Variants in DSC1 observed in about 807,000 individuals in gnomAD.
The protein encoded by DSC1 is desmocollin-1.
In DSC1, 79 loss-of-function variants were observed where a neutral mutation model predicts 98.8. That is an observed-to-expected ratio of 0.80 (90% CI 0.67 to 0.96). DSC1 has a LOEUF of 0.96. Ranked by LOEUF, DSC1 falls within the 50% of genes least tolerant of loss-of-function variation. DSC1 has a pLI of 0.00. For synonymous variants in DSC1, 405 were observed against 372.1 expected (o/e 1.09, Z -1.02); for missense variants, 1,115 against 1,075.9 (o/e 1.04, Z -0.51).
At chr18:31,150,303 T>C (rs368620597) in intron 5 of DSC1, among the ~76,000 whole-genome samples, 1,886 of 41,200 alleles carry the variant, frequency 0.046, 176 homozygotes, top group East Asian at 0.28. Flanking sequence ...ACTACCATCA[T>C]CACCACCACT....
At position 31,140,074 on chromosome 18, in the gene DSC1, C is replaced by G. The variant is rs751343789; in HGVS notation, c.1488G>C (p.Leu496=). 3 of 1,613,864 alleles carry G rather than the reference C, an allele frequency of 1.9e-6. No homozygotes were observed. In the Admixed American group the frequency reaches 5.0e-5, roughly 27 times the overall value. Residue 496 remains leucine, a synonymous_variant, in exon 10 of 16, where the codon CTG becomes CTC. Coordinates refer to ENST00000257198, the MANE Select transcript of DSC1 (RefSeq NM_024421.2). ...AGQELLGYKA[L]DPEISSGEGL... ...CTTCACCACTGGATATTTCCGGGTC[C>G]AGTGCTTTGTATCCAAGGAGTTCTT...
Position 31,156,093 on chromosome 18 carries a change from C to T in DSC1, c.421G>A (p.Ala141Thr), listed in dbSNP as rs1989091640. The T allele has an allele frequency of 1.2e-6, 2 of 1,614,122 alleles. No homozygotes were observed. Among genetic ancestry groups the T allele is most frequent in the African/African-American group, 1.3e-5 (1 of 75,034 alleles). Reference protein sequence around the residue: ...RSKRRWAPIPASLMENSLGPF... With the variant: ...RSKRRWAPIPTSLMENSLGPF... ...CCCAACGAGTTCTCCATCAATGAAGCTGGAATAGGAGCCCATCGTCTCTTG... is the reference window on the plus strand; with the variant it reads ...CCCAACGAGTTCTCCATCAATGAAGTTGGAATAGGAGCCCATCGTCTCTTG... Residue 141 changes from alanine (A) to threonine (T), a missense_variant, in exon 4 of 16, where the codon GCT becomes ACT. By Grantham distance (58) the Ala-to-Thr change is moderately conservative. Coordinates refer to ENST00000257198, the MANE Select transcript of DSC1 (RefSeq NM_024421.2).
chr18:31,131,232 G>T (rs958207483), intron 15 of DSC1, among the ~76,000 whole-genome samples: 3 of 152,020 alleles, frequency 2.0e-5, no homozygotes, highest in Non-Finnish European at 2.9e-5. Context: ...ACCACACAAA[G>T]AACTCAAGCA....
Position 31,143,811 on chromosome 18 carries a change from TACATTAATGA to T in DSC1, c.940-30_940-21del, listed in dbSNP as rs751465915. 1.3e-6 allele frequency: 2 copies of T among 1,536,478 alleles called. No homozygotes were observed. The highest frequency in any genetic ancestry group is 4.7e-5 in the East Asian group (2 of 42,570). On this transcript the variant is annotated intron_variant, in intron 7 of 15. Coordinates refer to ENST00000257198, the MANE Select transcript of DSC1 (RefSeq NM_024421.2). ...ACATTTCTGAAAAAAAGGAAAAAAC[TACATTAATGA>T]ACACTTTTATTTCCTATAACTTGCA...
At chr18:31,131,959 C>T in intron 14 of DSC1, 117 bp from the exon 15 acceptor site, 8 of 1,208,186 alleles carry the variant, frequency 6.6e-6, no homozygotes, top group Non-Finnish European at 9.2e-6. Flanking sequence ...GTTCCTCATA[C>T]ATAAAATCAG....
rs754446714 is a variant in DSC1, at chr18:31,140,292, A to G, written c.1270T>C (p.Tyr424His). Residue 424 changes from tyrosine (Y) to histidine (H), a missense_variant, in exon 10 of 16, where the codon TAT (tyrosine) becomes CAT (histidine). Tyr to His is a moderately conservative substitution (Grantham distance 83). Coordinates refer to ENST00000257198, the MANE Select transcript of DSC1 (RefSeq NM_024421.2). Reference sequence around the variant, plus strand: ...AAAATAACTTGGCGATTGACTTCATAGTTCAATGGCTGTTAAATAAGCATA... The same window carrying G: ...AAAATAACTTGGCGATTGACTTCATGGTTCAATGGCTGTTAAATAAGCATA... ...GVLCVVKPLN[Y>H]EVNRQVILQV... 4 of 1,613,832 alleles carry G rather than the reference A, an allele frequency of 2.5e-6. No individual in the cohort carries two copies. Among genetic ancestry groups the G allele is most frequent in the Non-Finnish European group, 3.4e-6 (4 of 1,179,848 alleles).
At chr18:31,160,695 C>T (rs757514488) in intron 1 of DSC1, among the ~76,000 whole-genome samples, 1 of 152,042 alleles carries the variant, frequency 6.6e-6, no homozygotes, top group Non-Finnish European at 1.5e-5. Context: ...ATCCCTAATG[C>T]CAAGGAACAT....
chr18:31,144,117 C>T (rs113197180), intron 7 of DSC1, among the ~76,000 whole-genome samples: 52 of 152,126 alleles, frequency 3.4e-4, no homozygotes, highest in African/African-American at 1.2e-3. Flanking sequence ...ACTGTGTTGC[C>T]CAGGCTGGTC....
At chr18:31,154,690 A>G in intron 5 of DSC1, 84 bp downstream of exon 5, 1 of 1,181,374 alleles carries the variant, frequency 8.5e-7, no homozygotes, top group South Asian at 1.9e-5. Context: ...ATTGATTCTT[A>G]TAATATGTAA....
chr18:31,143,899 C>CTTTT, intron 7 of DSC1, 108 bp from the exon 8 acceptor site: 1 of 801,896 alleles, frequency 1.2e-6, no homozygotes, highest in Non-Finnish European at 1.7e-6. Context: ...TTCTTTTTTA[C>CTTTT]TTTTTCTTTT....
chr18:31,162,853 A>G lies in DSC1; in HGVS notation c.-259T>C. ...TCTAAATGCAAAGAGGCTTTCCTAC[A>G]AGTGAGGAGGGTGGGGTACAAAACA... On this transcript the variant is annotated 5_prime_UTR_variant, in exon 1 of 16. Coordinates refer to ENST00000257198, the MANE Select transcript of DSC1 (RefSeq NM_024421.2). 1 of 455,812 alleles carries G rather than the reference A, an allele frequency of 2.2e-6. No homozygotes were observed. The highest frequency in any genetic ancestry group is 3.7e-5 in the Admixed American group (1 of 27,012). 28.2% of individuals were successfully genotyped at this position (455,812 alleles called of 1,614,324 possible).
At chr18:31,139,362 C>T (rs1988680505) in intron 11 of DSC1, among the ~76,000 whole-genome samples, 1 of 151,992 alleles carries the variant, frequency 6.6e-6, no homozygotes, top group Non-Finnish European at 1.5e-5. Context: ...TGTGTTGAAC[C>T]CTTTCAGCAA....
At chr18:31,138,593 A>G (rs1343183123) in intron 11 of DSC1, among the ~76,000 whole-genome samples, 1 of 142,298 alleles carries the variant, frequency 7.0e-6, no homozygotes, top group African/African-American at 2.6e-5. Context: ...AATATCTGAG[A>G]ACACATTGTT....
intron 6 of DSC1, among the ~76,000 whole-genome samples, chr18:31,148,037 G>T (rs1371806284): frequency 6.6e-6 from 1 of 152,118 alleles, no homozygotes; most frequent in Non-Finnish European, 1.5e-5. Context: ...TGGCCCACGT[G>T]TAAATCCCCT....
chr18:31,162,349 CTT>C (rs1989225528), intron 1 of DSC1, among the ~76,000 whole-genome samples, 181 bp downstream of exon 1: 1 of 152,186 alleles, frequency 6.6e-6, no homozygotes, highest in Admixed American at 6.5e-5. Flanking sequence ...AAGCTGAACA[CTT>C]TCCATCCTGA....
intron 5 of DSC1, among the ~76,000 whole-genome samples, chr18:31,150,318 CCATCAT>C (rs1568002751): frequency 1.4e-5 from 1 of 71,938 alleles, no homozygotes; most frequent in Non-Finnish European, 2.8e-5. Flanking sequence ...ACCACTACTA[CCATCAT>C]CACCACCACC....
At chr18:31,138,843 GC>G (rs1341112052) in intron 11 of DSC1, among the ~76,000 whole-genome samples, 2 of 151,818 alleles carry the variant, frequency 1.3e-5, no homozygotes, top group African/African-American at 4.8e-5. Flanking sequence ...CTTGGATTAG[GC>G]AGGTAGTCAA....
At chr18:31,153,277 A>T (rs767667435) in intron 5 of DSC1, among the ~76,000 whole-genome samples, 2 of 152,142 alleles carry the variant, frequency 1.3e-5, no homozygotes, top group African/African-American at 4.8e-5. Flanking sequence ...TATCTCCTCA[A>T]GAGTGACTTC....
chr18:31,156,360 T>G (rs953030252), intron 3 of DSC1, among the ~76,000 whole-genome samples, 198 bp from the exon 4 acceptor site: 1 of 152,200 alleles, frequency 6.6e-6, no homozygotes, highest in African/African-American at 2.4e-5. Context: ...CCTATTTCTC[T>G]ATTTACTCAG....
Sources: allele counts gnomAD v4.1 joint callset (sites outside exome capture counted in the v4.1 genomes callset), GRCh38; gene constraint gnomAD v4.1.1; transcripts MANE v1.5; gene names NCBI Gene and HGNC (gene_info 2026-07-23, HGNC 2026-07-21).